Variants in DMD observed in about 807,000 individuals in gnomAD.
DMD encodes the protein mutant dystrophin.
Under a neutral mutation model 330.1 loss-of-function variants are expected in DMD, and 63 were observed. That is an observed-to-expected ratio of 0.19 (90% CI 0.16 to 0.24). The LOEUF is 0.24. Among genes scored for constraint, DMD ranks in the 10% least tolerant of loss-of-function variants. The pLI is 1.00. For missense variants in DMD, 3,344 were observed against 2,684.1 expected, an observed-to-expected ratio of 1.25 and a Z score of -5.43; for synonymous variants, 1,223 against 959.8, an observed-to-expected ratio of 1.27 and a Z score of -5.07.
Position 32,912,363 on chromosome X carries a change from A to T in DMD, c.94-62543T>A, listed in dbSNP as rs546987488. Among the ~76,000 whole-genome samples the T allele has an allele frequency of 4.3e-4, 48 of 111,129 alleles. No individual in the cohort carries two copies. In the South Asian group the frequency reaches 0.018, roughly 43 times the overall value. On this transcript the variant is annotated intron_variant, in intron 2 of 78. Coordinates refer to ENST00000357033, the MANE Select transcript of DMD (RefSeq NM_004006.3). ...GGAAGCCTGGCACACACAGTCTACA[A>T]AGGTCAGTCTCCCAGTGGTACACAG...
chrX:31,894,605 T>G (rs1280362285), intron 47 of DMD, among the ~76,000 whole-genome samples: 1 of 112,181 alleles, frequency 8.9e-6, no homozygotes, highest in East Asian at 2.8e-4. Flanking sequence ...GGAACATTCC[T>G]TTGAAAGGCA....
At chrX:32,259,086 T>A (rs965783723) in intron 43 of DMD, among the ~76,000 whole-genome samples, 1 of 110,719 alleles carries the variant, frequency 9.0e-6, no homozygotes, top group African/African-American at 3.3e-5. Flanking sequence ...CTCCATAAGA[T>A]GAAAGAGGAT....
intron 44 of DMD, among the ~76,000 whole-genome samples, chrX:32,041,843 A>G (rs2096006404): frequency 9.3e-6 from 1 of 107,780 alleles, no homozygotes. Context: ...TTGCTAAAGT[A>G]CTCCACAACT....
intron 43 of DMD, among the ~76,000 whole-genome samples, chrX:32,218,662 G>A (rs180989245): frequency 8.9e-6 from 1 of 112,004 alleles, no homozygotes; most frequent in Non-Finnish European, 1.9e-5. Flanking sequence ...ACCGGGCTCT[G>A]TGCTTTTATA....
intron 1 of DMD, among the ~76,000 whole-genome samples, chrX:33,043,382 TCAAA>T (rs753500580): frequency 1.8e-5 from 2 of 111,890 alleles, no homozygotes; most frequent in African/African-American, 6.5e-5. Flanking sequence ...GTTTGGGCAG[TCAAA>T]CAAATTAAAC....
intron 16 of DMD, among the ~76,000 whole-genome samples, chrX:32,559,701 C>T (rs2050770666): frequency 9.0e-6 from 1 of 111,585 alleles, no homozygotes; most frequent in African/African-American, 3.3e-5. Flanking sequence ...AAATTTTCAT[C>T]TTGGTACATT....
chrX:32,526,369 A>T (rs1244892927), intron 17 of DMD, among the ~76,000 whole-genome samples: 1 of 111,511 alleles, frequency 9.0e-6, no homozygotes, highest in East Asian at 2.8e-4. Flanking sequence ...CTCATCAGAA[A>T]CCCCTGAAAT....
At chrX:32,894,438 T>C (rs779815585) in intron 2 of DMD, among the ~76,000 whole-genome samples, 1 of 112,419 alleles carries the variant, frequency 8.9e-6, no homozygotes, top group East Asian at 2.8e-4. Flanking sequence ...CGCAGCACAG[T>C]GGTAGTGATG....
intron 2 of DMD, among the ~76,000 whole-genome samples, chrX:33,004,976 A>C (rs2093362807): frequency 9.0e-6 from 1 of 110,811 alleles, no homozygotes; most frequent in African/African-American, 3.3e-5. Context: ...TAACTTACTA[A>C]ATTATTTTAT....
chrX:32,017,845 G>A (rs989454994), intron 44 of DMD, among the ~76,000 whole-genome samples: 3 of 111,896 alleles, frequency 2.7e-5, no homozygotes, highest in African/African-American at 9.7e-5. Context: ...GAATGTTTGA[G>A]TGGATGGCTT....
intron 55 of DMD, among the ~76,000 whole-genome samples, chrX:31,592,228 AT>A (rs1257800877): frequency 2.8e-5 from 3 of 108,740 alleles, no homozygotes; most frequent in Non-Finnish European, 5.8e-5. Context: ...ATGAGATGGT[AT>A]TAATATTGCC....
At chrX:32,439,449 C>T (rs1314294445) in intron 28 of DMD, among the ~76,000 whole-genome samples, 2 of 111,172 alleles carry the variant, frequency 1.8e-5, no homozygotes, top group Admixed American at 1.9e-4. Flanking sequence ...ATTTATATTC[C>T]TTATTACTTC....
chrX:32,359,743 C>T (rs1490522533), intron 37 of DMD, among the ~76,000 whole-genome samples: 5 of 110,790 alleles, frequency 4.5e-5, no homozygotes, highest in Non-Finnish European at 9.5e-5. Flanking sequence ...AAATTTCAAA[C>T]CATGTTCTAT....
At chrX:33,029,691 C>T (rs1228618934) in intron 1 of DMD, among the ~76,000 whole-genome samples, 1 of 112,202 alleles carries the variant, frequency 8.9e-6, no homozygotes, top group Non-Finnish European at 1.9e-5. Context: ...AATTGCAATG[C>T]TCTATACATT....
intron 1 of DMD, among the ~76,000 whole-genome samples, chrX:33,089,354 G>A (rs1219802304): frequency 9.0e-6 from 1 of 110,833 alleles, no homozygotes; most frequent in African/African-American, 3.3e-5. Context: ...GTGAGCCACC[G>A]TGCGGCCCTG....
At chrX:31,139,480 C>G (rs897514166) in intron 76 of DMD, among the ~76,000 whole-genome samples, 1 of 103,027 alleles carries the variant, frequency 9.7e-6, no homozygotes, top group Non-Finnish European at 2.0e-5. Flanking sequence ...TATATACACA[C>G]ACACACACAC....
At position 31,940,533 on chromosome X, in the gene DMD, G is replaced by A. The variant is rs1364700356; in HGVS notation, c.6615-8306C>T. ...CAAGAGCACAGTGATTTTGAAATCC[G>A]TATGTTAAAGACATCAGAGCCACAA... is the stretch of plus-strand genomic sequence containing the variant. On this transcript the variant is annotated intron_variant, in intron 45 of 78. Coordinates refer to ENST00000357033, the MANE Select transcript of DMD (RefSeq NM_004006.3). Among the ~76,000 whole-genome samples the A allele has an allele frequency of 2.7e-5, 3 of 111,496 alleles. No individual in the cohort carries two copies. The Admixed American group carries it at 2.9e-4, about 11-fold the overall frequency.
At chrX:31,320,562 C>T (rs149733612) in intron 62 of DMD, among the ~76,000 whole-genome samples, 3,947 of 111,653 alleles carry the variant, frequency 0.035, 151 homozygotes, top group African/African-American at 0.12. Flanking sequence ...TAGACCAAGA[C>T]GGCATCTCAG....
intron 41 of DMD, among the ~76,000 whole-genome samples, chrX:32,315,318 A>G (rs1157168640): frequency 1.8e-5 from 2 of 111,069 alleles, no homozygotes; most frequent in African/African-American, 6.6e-5. Context: ...GTTCTCACTG[A>G]TAATGGGAGT....
Sources: allele counts gnomAD v4.1 joint callset (sites outside exome capture counted in the v4.1 genomes callset), GRCh38; gene constraint gnomAD v4.1.1; transcripts MANE v1.5; gene names NCBI Gene and HGNC (gene_info 2026-07-23, HGNC 2026-07-21).